The following ARHGAP25 variants were observed in gnomAD, a reference collection of about 807,000 sequenced individuals.
ARHGAP25 encodes the protein Rho GTPase activating protein 25, also known as rho GTPase-activating protein 25.
Under a neutral mutation model 71.0 loss-of-function variants are expected in ARHGAP25, and 34 were observed. The observed-to-expected ratio is 0.48, with a 90% CI of 0.36 to 0.64. The LOEUF (loss-of-function observed/expected upper bound fraction) is 0.64. Among genes scored for constraint, ARHGAP25 ranks in the 30% least tolerant of loss-of-function variants. ARHGAP25 has a pLI of 0.00. For synonymous variants in ARHGAP25, 282 were observed against 296.5 expected (o/e 0.95, Z 0.50); for missense variants, 706 against 805.1 (o/e 0.88, Z 1.49).
chr2:68,824,577 C>T (rs1389716822), intron 10 of ARHGAP25, among the ~76,000 whole-genome samples: 1 of 152,068 alleles, frequency 6.6e-6, no homozygotes, highest in Non-Finnish European at 1.5e-5. Context: ...CATGTCTCTC[C>T]TAAAAATATA....
chr2:68,718,272 G>A (rs1001292535), intron 2 of ARHGAP25, among the ~76,000 whole-genome samples: 1 of 152,102 alleles, frequency 6.6e-6, no homozygotes, highest in Non-Finnish European at 1.5e-5. Flanking sequence ...TTTTTCTGGA[G>A]GATCTAAGGG....
intron 2 of ARHGAP25, among the ~76,000 whole-genome samples, chr2:68,722,718 C>T (rs978810895): frequency 6.6e-6 from 1 of 152,168 alleles, no homozygotes; most frequent in Non-Finnish European, 1.5e-5. Flanking sequence ...TTTGAACCCA[C>T]TCTGGCTCGA....
At chr2:68,762,600 T>C (rs1676895306) in intron 1 of ARHGAP25, among the ~76,000 whole-genome samples, 1 of 152,146 alleles carries the variant, frequency 6.6e-6, no homozygotes, top group Admixed American at 6.5e-5. Flanking sequence ...GTTCTCCTTC[T>C]TTTACCTCCT....
chr2:68,774,789 G>A, intron 1 of ARHGAP25: 1 of 1,062,928 alleles, frequency 9.4e-7, no homozygotes, highest in Non-Finnish European at 1.1e-6. Flanking sequence ...CTGCAGCTGC[G>A]TGGGACTCAC....
chr2:68,772,228 A>G (rs1677532870), intron 1 of ARHGAP25, among the ~76,000 whole-genome samples: 1 of 152,146 alleles, frequency 6.6e-6, no homozygotes, highest in African/African-American at 2.4e-5. Context: ...GGAGACCTTC[A>G]GTTTCCCCTA....
At chr2:68,759,330 C>T (rs545310459) in intron 1 of ARHGAP25, among the ~76,000 whole-genome samples, 2 of 151,060 alleles carry the variant, frequency 1.3e-5, no homozygotes, top group African/African-American at 4.9e-5. Flanking sequence ...ATTTACAAGC[C>T]TTTTGGTAGA....
At chr2:68,719,763 AG>A (rs953553666) in intron 2 of ARHGAP25, among the ~76,000 whole-genome samples, 3 of 152,192 alleles carry the variant, frequency 2.0e-5, no homozygotes, top group African/African-American at 7.2e-5. Flanking sequence ...ACCCCACAGT[AG>A]ATATTATCAC....
upstream of ARHGAP25, among the ~76,000 whole-genome samples, chr2:68,732,508 G>A (rs1211191164): frequency 6.6e-6 from 1 of 152,238 alleles, no homozygotes; most frequent in Non-Finnish European, 1.5e-5. Context: ...TGGTGTTTGG[G>A]TCAGGCAGGC....
At chr2:68,810,680 T>G (rs947276622) in intron 5 of ARHGAP25, among the ~76,000 whole-genome samples, 2 of 152,114 alleles carry the variant, frequency 1.3e-5, no homozygotes, top group Non-Finnish European at 2.9e-5. Context: ...TTTTTATTGT[T>G]GTTGTTTCTC....
intron 5 of ARHGAP25, among the ~76,000 whole-genome samples, chr2:68,809,111 T>C (rs1360356779): frequency 6.6e-6 from 1 of 152,184 alleles, no homozygotes; most frequent in Admixed American, 6.5e-5. Flanking sequence ...TTGATTCTTA[T>C]TATTTAGTTA....
At chr2:68,724,916 T>A (rs191136555) in intron 2 of ARHGAP25, among the ~76,000 whole-genome samples, 2 of 152,238 alleles carry the variant, frequency 1.3e-5, no homozygotes, top group African/African-American at 4.8e-5. Context: ...TATTGGCCAC[T>A]TCTCATCACC....
chr2:68,718,982 A>G (rs561733643), intron 2 of ARHGAP25, among the ~76,000 whole-genome samples: 156 of 152,212 alleles, frequency 1.0e-3, no homozygotes, highest in African/African-American at 3.6e-3. Context: ...GAAGCCTCCA[A>G]GAAAAAAAAA....
intron 6 of ARHGAP25, 190 bp from the exon 7 acceptor site, chr2:68,816,099 T>A (rs887587171): frequency 7.6e-6 from 5 of 659,946 alleles, no homozygotes; most frequent in East Asian, 5.7e-5. Flanking sequence ...ATGACCCTTT[T>A]AAAAAAAATT....
chr2:68,788,834 G>A (rs945416795), intron 4 of ARHGAP25, among the ~76,000 whole-genome samples: 11 of 152,084 alleles, frequency 7.2e-5, no homozygotes, highest in Non-Finnish European at 1.0e-4. Flanking sequence ...GGAGGCTTTC[G>A]TAGTTTGAAT....
intron 4 of ARHGAP25, among the ~76,000 whole-genome samples, chr2:68,792,446 T>A (rs1298980709): frequency 1.3e-5 from 2 of 152,178 alleles, no homozygotes; most frequent in South Asian, 2.1e-4. Context: ...TGTCCATAAT[T>A]CCATACTCTA....
At chr2:68,712,621 C>T (rs1468609779) in intron 2 of ARHGAP25, among the ~76,000 whole-genome samples, 2 of 152,090 alleles carry the variant, frequency 1.3e-5, no homozygotes, top group South Asian at 2.1e-4. Context: ...AGGTTTTCTT[C>T]TAGGGTTTTT....
At chr2:68,759,903 T>TA (rs1275377116) in intron 1 of ARHGAP25, among the ~76,000 whole-genome samples, 1 of 151,970 alleles carries the variant, frequency 6.6e-6, no homozygotes, top group Non-Finnish European at 1.5e-5. Flanking sequence ...TGCAGACCAA[T>TA]ATCCCTTATT....
At chr2:68,775,776 AG>A (rs1245646984) in intron 2 of ARHGAP25, 16 of 477,600 alleles carry the variant, frequency 3.4e-5, no homozygotes, top group Non-Finnish European at 6.6e-5. Context: ...TTGTTCAGTA[AG>A]TATTTATTGA....
chr2:68,725,578 C>T (rs1674865115), intron 2 of ARHGAP25, among the ~76,000 whole-genome samples: 1 of 152,120 alleles, frequency 6.6e-6, no homozygotes. Context: ...TCATCCTCCT[C>T]AGCCTCCCAA....
Sources: gnomAD v4.1 joint callset for allele counts (sites outside exome capture counted in the v4.1 genomes callset) on GRCh38, gnomAD v4.1.1 for gene constraint, MANE v1.5 for transcripts, NCBI Gene and HGNC (gene_info 2026-07-23, HGNC 2026-07-21) for gene names.